Variants in USH2A observed in about 807,000 individuals in gnomAD.
USH2A encodes the protein Usher syndrome 2A (autosomal recessive, mild).
A neutral mutation model predicts 538.9 loss-of-function variants in USH2A; 443 were observed. The ratio of observed to expected loss-of-function variants is 0.82; its 90% CI spans 0.76 to 0.89. USH2A has a LOEUF of 0.89. Among genes scored for constraint, USH2A ranks in the 40% least tolerant of loss-of-function variants. The pLI, the probability that USH2A is intolerant of heterozygous loss-of-function variation, is 0.00. For synonymous variants in USH2A, 2,413 were observed against 2,273.5 expected (o/e 1.06, Z -1.75); for missense variants, 6,633 against 6,324.8 (o/e 1.05, Z -1.65).
In USH2A at chr1:216,274,204, T is replaced by C. The variant is rs965478698; in HGVS notation, c.1971+15076A>G. Among the ~76,000 whole-genome samples, 30 of 152,246 alleles carry C rather than the reference T, an allele frequency of 2.0e-4. 1 individual carries two copies. Among genetic ancestry groups the C allele is most frequent in the African/African-American group, 7.2e-4 (30 of 41,576 alleles). On this transcript the variant is annotated intron_variant, in intron 11 of 71. Coordinates refer to ENST00000307340, the MANE Select transcript of USH2A (RefSeq NM_206933.4). ...CATCTCATCAAATTGTTGGTATGTCTATCACTGAGCCTCAGAGAAACATAG... is the reference window on the plus strand; with the variant it reads ...CATCTCATCAAATTGTTGGTATGTCCATCACTGAGCCTCAGAGAAACATAG...
At chr1:215,789,546 C>CA (rs1661913725) in intron 51 of USH2A, among the ~76,000 whole-genome samples, 1 of 152,172 alleles carries the variant, frequency 6.6e-6, no homozygotes, top group South Asian at 2.1e-4. Flanking sequence ...TAAGCGATTA[C>CA]ACCCAGAAGC....
intron 55 of USH2A, among the ~76,000 whole-genome samples, chr1:215,772,577 G>T (rs11120624): frequency 0.19 from 29,413 of 152,060 alleles, 3,054 homozygotes; most frequent in East Asian, 0.36. Context: ...ACTGCAAAAA[G>T]TCTGCCTTTA....
chr1:216,282,000 T>C (rs959557812), intron 11 of USH2A, among the ~76,000 whole-genome samples: 3 of 151,806 alleles, frequency 2.0e-5, no homozygotes, highest in African/African-American at 7.3e-5. Flanking sequence ...TAATTTTATA[T>C]CTTCCTTAGA....
intron 9 of USH2A, 26 bp downstream of exon 9, chr1:216,321,857 A>G (rs534105795): frequency 7.5e-6 from 12 of 1,590,116 alleles, no homozygotes; most frequent in South Asian, 5.5e-5. Context: ...TTTTTTTTAG[A>G]TTTCCATGCA....
chr1:216,355,383 GAAAC>G (rs1553253087), intron 4 of USH2A, among the ~76,000 whole-genome samples: 28 of 148,540 alleles, frequency 1.9e-4, no homozygotes, highest in African/African-American at 6.9e-4. Flanking sequence ...AAGAAGGAAA[GAAAC>G]ATATAGTATA....
chr1:215,690,260 T>C (rs1658558668), intron 61 of USH2A, among the ~76,000 whole-genome samples: 1 of 152,172 alleles, frequency 6.6e-6, no homozygotes, highest in South Asian at 2.1e-4. Flanking sequence ...TTGCTTTCCA[T>C]AGACCTCTCC....
At position 216,231,936 on chromosome 1, in the gene USH2A, A is replaced by T. The variant is rs764381394; in HGVS notation, c.2993+17T>A. The T allele has an allele frequency of 6.2e-7, 1 of 1,613,914 alleles. No individual in the cohort carries two copies. Among genetic ancestry groups the T allele is most frequent in the Non-Finnish European group, 8.5e-7 (1 of 1,179,784 alleles). The stretch of plus-strand genomic sequence containing the variant: ...GCTAAAGAAAGAGTTAAATTATTAA[A>T]GCTTATAAAGATGTACCTTCCAGTC... On this transcript the variant is annotated intron_variant, in intron 14 of 71. Transcript: ENST00000307340.
Position 216,196,609 on chromosome 1 carries a change from T to C in USH2A, c.4195A>G (p.Ile1399Val). 6.2e-7 allele frequency: 1 copy of C among 1,613,600 alleles called. No homozygotes were observed. Among genetic ancestry groups the C allele is most frequent in the Non-Finnish European group, 8.5e-7 (1 of 1,179,712 alleles). The change falls in exon 19 of 72, where the codon ATC becomes GTC. Residue 1399 changes from isoleucine to valine, a missense_variant. By Grantham distance (29) the Ile-to-Val change is conservative. Coordinates refer to ENST00000307340, the MANE Select transcript of USH2A (RefSeq NM_206933.4). ...GGTGATTGTTCAGAAAGCATATTGATGTCATACCCCACAACTTTTCCTCTT... is the reference window on the plus strand; with the variant it reads ...GGTGATTGTTCAGAAAGCATATTGACGTCATACCCCACAACTTTTCCTCTT... The part of the protein sequence containing the change: ...VTRGKVVGYD[I>V]NMLSEQSPQQ...
chr1:216,078,532 CT>C (rs1042305580), intron 26 of USH2A, among the ~76,000 whole-genome samples, 170 bp from the exon 27 acceptor site: 2 of 152,146 alleles, frequency 1.3e-5, no homozygotes, highest in African/African-American at 4.8e-5. Context: ...ATAGGAAACA[CT>C]TTTCTAGCTT....
In USH2A at chr1:215,634,439, C is replaced by A. The variant is rs1656406796; in HGVS notation, c.15297+20G>T. 6.2e-7 allele frequency: 1 copy of A among 1,614,140 alleles called. No individual in the cohort carries two copies. The highest frequency in any genetic ancestry group is 2.2e-5 in the East Asian group (1 of 44,886). On this transcript the variant is annotated intron_variant, in intron 70 of 71. Coordinates refer to ENST00000307340, the MANE Select transcript of USH2A (RefSeq NM_206933.4). ...CTAGTCCAGTGATAGGGAAATGGGG[C>A]CACACCTCTACAAACATACCATATG...
intron 3 of USH2A, among the ~76,000 whole-genome samples, chr1:216,403,693 A>T (rs1355019108): frequency 6.6e-6 from 1 of 152,168 alleles, no homozygotes; most frequent in Non-Finnish European, 1.5e-5. Context: ...AAAATGAAAC[A>T]CTTTATGGGT....
Position 215,675,209 on chromosome 1 carries a change from C to A in USH2A, c.12702G>T (p.Thr4234=). 1 of 1,613,878 alleles carries A rather than the reference C, an allele frequency of 6.2e-7. No homozygotes were observed. The highest frequency in any genetic ancestry group is 8.5e-7 in the Non-Finnish European group (1 of 1,179,958). The part of the protein sequence containing the change: ...MYNDTGLQPW[T]QCEYKIYTWN... ...AAGTGTAGATTTTATATTCACACTG[C>A]GTCCATGGTTGCAAACCTGTGTCAT... is the stretch of plus-strand genomic sequence containing the variant. The change falls in exon 63 of 72, where the codon ACG becomes ACT. Residue 4234 remains threonine (T), a synonymous_variant. Coordinates refer to ENST00000307340, the MANE Select transcript of USH2A (RefSeq NM_206933.4).
chr1:215,946,847 C>G (rs1666771254), intron 37 of USH2A, among the ~76,000 whole-genome samples: 1 of 152,060 alleles, frequency 6.6e-6, no homozygotes, highest in Non-Finnish European at 1.5e-5. Context: ...TCTACTTTCT[C>G]AACTGAAAAC....
intron 11 of USH2A, among the ~76,000 whole-genome samples, chr1:216,275,132 T>TTC (rs199611465): frequency 2.9e-4 from 44 of 151,632 alleles, no homozygotes; most frequent in African/African-American, 7.0e-4. Context: ...CATTGCATTA[T>TTC]TCTCTCTCTC....
intron 14 of USH2A, among the ~76,000 whole-genome samples, chr1:216,229,061 C>A (rs961145224): frequency 2.6e-5 from 4 of 151,968 alleles, no homozygotes; most frequent in Non-Finnish European, 4.4e-5. Context: ...GTAATCCCAG[C>A]TACTCAGGAG....
At chr1:216,055,722 T>C (rs1273381040) in intron 30 of USH2A, among the ~76,000 whole-genome samples, 1 of 152,230 alleles carries the variant, frequency 6.6e-6, no homozygotes, top group Non-Finnish European at 1.5e-5. Context: ...TTTGTTATTG[T>C]TGTTTTTGGA....
intron 37 of USH2A, among the ~76,000 whole-genome samples, chr1:215,947,617 A>G (rs971515810): frequency 6.6e-6 from 1 of 152,184 alleles, no homozygotes; most frequent in African/African-American, 2.4e-5. Context: ...TGTTTAATAC[A>G]TTGCATTGAA....
chr1:216,008,358 A>C, intron 32 of USH2A, among the ~76,000 whole-genome samples: 4 of 147,092 alleles, frequency 2.7e-5, no homozygotes, highest in African/African-American at 5.1e-5. Flanking sequence ...TGTGACCCCC[A>C]CTCTGGCCTC....
At chr1:215,646,939 A>G (rs1173546889) in intron 67 of USH2A, among the ~76,000 whole-genome samples, 2 of 152,242 alleles carry the variant, frequency 1.3e-5, no homozygotes, top group Admixed American at 6.5e-5. Flanking sequence ...CCTATGGGGC[A>G]GAGTAGGTTA....
Sources: gnomAD v4.1 joint callset for allele counts (sites outside exome capture counted in the v4.1 genomes callset) on GRCh38, gnomAD v4.1.1 for gene constraint, MANE v1.5 for transcripts, NCBI Gene and HGNC (gene_info 2026-07-23, HGNC 2026-07-21) for gene names.